CDK14: variants seen among roughly 807,000 people sequenced by gnomAD.
The protein encoded by CDK14 is cyclin-dependent kinase 14.
In CDK14, 34 loss-of-function variants were observed where a neutral mutation model predicts 60.7. That is an observed-to-expected ratio of 0.56 (90% CI 0.43 to 0.75). CDK14 has a LOEUF of 0.75. CDK14 is among the 30% of genes least tolerant of loss of function. The pLI is 0.00. For missense variants in CDK14, 482 were observed against 564.1 expected, an observed-to-expected ratio of 0.85 and a Z score of 1.47; for synonymous variants, 197 against 203.7, an observed-to-expected ratio of 0.97 and a Z score of 0.28.
chr7:90,976,909 C>G (rs1042118077), intron 9 of CDK14, among the ~76,000 whole-genome samples: 1 of 152,092 alleles, frequency 6.6e-6, no homozygotes, highest in African/African-American at 2.4e-5. Context: ...AGACTTATCT[C>G]CCATCTGTAC....
chr7:90,939,251 G>A (rs1793844042), intron 8 of CDK14, among the ~76,000 whole-genome samples: 1 of 152,212 alleles, frequency 6.6e-6, no homozygotes, highest in Non-Finnish European at 1.5e-5. Flanking sequence ...CTGACAAGAT[G>A]GGAATATTTA....
At chr7:91,056,806 C>T (rs1325790214) in intron 11 of CDK14, among the ~76,000 whole-genome samples, 3 of 152,178 alleles carry the variant, frequency 2.0e-5, no homozygotes, top group African/African-American at 4.8e-5. Context: ...TCCAGTCTAT[C>T]ATTGTTGGAC....
At chr7:91,154,517 T>A (rs1418669686) in intron 14 of CDK14, among the ~76,000 whole-genome samples, 2 of 152,166 alleles carry the variant, frequency 1.3e-5, no homozygotes, top group Non-Finnish European at 2.9e-5. Context: ...TATTGCCACC[T>A]TTAAAACACT....
intron 14 of CDK14, among the ~76,000 whole-genome samples, chr7:91,152,715 T>TA (rs1800859325): frequency 6.6e-6 from 1 of 152,110 alleles, no homozygotes; most frequent in Non-Finnish European, 1.5e-5. Flanking sequence ...GTAAAGTTGA[T>TA]ATAGGTAGGA....
intron 14 of CDK14, among the ~76,000 whole-genome samples, chr7:91,161,887 T>C (rs1801176504): frequency 6.6e-6 from 1 of 152,234 alleles, no homozygotes; most frequent in Non-Finnish European, 1.5e-5. Flanking sequence ...GAATCAATAA[T>C]TTCTAATAAA....
chr7:91,090,085 G>A (rs1584041701), intron 12 of CDK14, among the ~76,000 whole-genome samples: 2 of 152,092 alleles, frequency 1.3e-5, no homozygotes, highest in African/African-American at 4.8e-5. Context: ...TTTCCACAGG[G>A]ACATTTTCTG....
At chr7:90,852,467 G>T (rs1790678153) in intron 5 of CDK14, among the ~76,000 whole-genome samples, 1 of 150,748 alleles carries the variant, frequency 6.6e-6, no homozygotes, top group African/African-American at 2.5e-5. Flanking sequence ...TTTCAATGCT[G>T]CATTAGCTGG....
intron 4 of CDK14, among the ~76,000 whole-genome samples, chr7:90,783,483 C>G (rs1805430611): frequency 6.6e-6 from 1 of 152,034 alleles, no homozygotes; most frequent in Non-Finnish European, 1.5e-5. Flanking sequence ...AGACAGCCTA[C>G]AGAATGGGAG....
intron 14 of CDK14, among the ~76,000 whole-genome samples, chr7:91,120,821 G>A (rs961106302): frequency 6.6e-6 from 1 of 152,138 alleles, no homozygotes; most frequent in Non-Finnish European, 1.5e-5. Context: ...ACAGGCGTGA[G>A]TCACCGCGCC....
chr7:90,846,629 G>T (rs1790478565), intron 5 of CDK14, among the ~76,000 whole-genome samples: 1 of 152,156 alleles, frequency 6.6e-6, no homozygotes, highest in Non-Finnish European at 1.5e-5. Context: ...AAACCTGTCA[G>T]TCACCCAGTG....
chr7:91,160,855 T>C (rs1172084238), intron 14 of CDK14, among the ~76,000 whole-genome samples: 1 of 152,192 alleles, frequency 6.6e-6, no homozygotes, highest in African/African-American at 2.4e-5. Flanking sequence ...CATTTAAATA[T>C]CCTCATTTCT....
At position 90,966,074 on chromosome 7, in the gene CDK14, G is replaced by A. The variant is rs571444443; in HGVS notation, c.947+10257G>A. 5.9e-5 allele frequency among the ~76,000 whole-genome samples: 9 copies of A among 152,148 alleles called. No homozygotes were observed. In the East Asian group the frequency reaches 1.5e-3, roughly 26 times the overall value. On this transcript the variant is annotated intron_variant, in intron 9 of 14. Transcript: ENST00000380050. ...TGTTTTAGCTCTTAGAAAACTTCTT[G>A]AATTTCTTTTTTAAAAAAATGATTT...
intron 5 of CDK14, among the ~76,000 whole-genome samples, chr7:90,827,385 C>A (rs921358790): frequency 7.2e-5 from 11 of 152,052 alleles, no homozygotes; most frequent in Admixed American, 2.0e-4. Context: ...CCAAGTTTTG[C>A]CAATTATGAA....
chr7:90,635,741 C>T (rs943780448), intron 2 of CDK14, among the ~76,000 whole-genome samples: 4 of 151,982 alleles, frequency 2.6e-5, no homozygotes, highest in African/African-American at 7.3e-5. Flanking sequence ...GCCGTTTTCA[C>T]GATATTGATT....
chr7:91,184,741 C>A (rs1001522979), intron 14 of CDK14, among the ~76,000 whole-genome samples: 3 of 152,068 alleles, frequency 2.0e-5, no homozygotes, highest in African/African-American at 7.2e-5. Context: ...AAGCTGAGGA[C>A]TACTGTAGCA....
intron 11 of CDK14, among the ~76,000 whole-genome samples, chr7:91,047,209 G>A (rs1797265470): frequency 6.6e-6 from 1 of 152,118 alleles, no homozygotes; most frequent in African/African-American, 2.4e-5. Context: ...ACTTCCCTGT[G>A]TTAGGACCTA....
At chr7:90,987,450 A>G (rs1360505436) in intron 10 of CDK14, among the ~76,000 whole-genome samples, 1 of 152,116 alleles carries the variant, frequency 6.6e-6, no homozygotes, top group East Asian at 1.9e-4. Flanking sequence ...TTTGATAATT[A>G]GGAAATGAAG....
chr7:91,127,591 T>C (rs1799991668), intron 14 of CDK14, among the ~76,000 whole-genome samples: 2 of 152,174 alleles, frequency 1.3e-5, no homozygotes, highest in South Asian at 2.1e-4. Flanking sequence ...GATTTGTGTC[T>C]AATCCATGTG....
chr7:90,714,268 C>T (rs888400808), intron 2 of CDK14, among the ~76,000 whole-genome samples: 3 of 152,034 alleles, frequency 2.0e-5, no homozygotes, highest in Admixed American at 6.6e-5. Context: ...GCTTATTCCT[C>T]AGGTAAATGA....
Sources: gnomAD v4.1 joint callset for allele counts (sites outside exome capture counted in the v4.1 genomes callset) on GRCh38, gnomAD v4.1.1 for gene constraint, MANE v1.5 for transcripts, NCBI Gene and HGNC (gene_info 2026-07-23, HGNC 2026-07-21) for gene names.